The following USP34 variants were observed in gnomAD, a reference collection of about 807,000 sequenced individuals.
USP34 encodes ubiquitin specific peptidase 34.
A neutral mutation model predicts 460.3 loss-of-function variants in USP34; 70 were observed. That is an observed-to-expected ratio of 0.15 (90% CI 0.13 to 0.19). The LOEUF (loss-of-function observed/expected upper bound fraction) is 0.19. USP34 is among the 10% of genes least tolerant of loss of function. The pLI is 1.00. For synonymous variants in USP34, 1,647 were observed against 1,405.3 expected (o/e 1.17, Z -3.85); for missense variants, 3,985 against 4,236.2 (o/e 0.94, Z 1.65).
At chr2:61,191,753 G>C (rs1645199136) in intron 76 of USP34, among the ~76,000 whole-genome samples, 1 of 152,142 alleles carries the variant, frequency 6.6e-6, no homozygotes, top group Admixed American at 6.5e-5. Flanking sequence ...TAGTGGGAGA[G>C]TACAGAAACC....
chr2:61,244,628 A>G (rs1343114436), intron 51 of USP34, among the ~76,000 whole-genome samples: 1 of 152,060 alleles, frequency 6.6e-6, no homozygotes, highest in Non-Finnish European at 1.5e-5. Flanking sequence ...GCAAAAAAAA[A>G]AAAAAAAAGT....
chr2:61,417,196 C>G lies in USP34; in HGVS notation c.131+3550G>C. On this transcript the variant is annotated intron_variant, in intron 2 of 79. Transcript: ENST00000398571. Reference sequence around the variant, plus strand: ...GGCACCTCACATGCCTGTTTGGACCCTACACTGGGGTAGTGCAAGGTCAGA... The same window carrying G: ...GGCACCTCACATGCCTGTTTGGACCGTACACTGGGGTAGTGCAAGGTCAGA... The G allele has an allele frequency of 2.6e-6, 4 of 1,562,376 alleles. No individual in the cohort carries two copies. In the South Asian group the frequency reaches 3.3e-5, roughly 13 times the overall value.
At position 61,314,892 on chromosome 2, in the gene USP34, T is replaced by C; in HGVS notation, c.3365A>G (p.Asn1122Ser). 6.2e-7 allele frequency: 1 copy of C among 1,612,798 alleles called. No individual in the cohort carries two copies. The highest frequency in any genetic ancestry group is 8.5e-7 in the Non-Finnish European group (1 of 1,179,622). The change falls in exon 24 of 80, where the codon AAC becomes AGC. Residue 1122 changes from asparagine to serine, a missense_variant. This residue lies in a region of USP34 where 1,114 missense variants were observed against 1,122.5 expected (regional missense o/e 0.99). Transcript: ENST00000398571. ...DVSRAAIQYI[N>S]SYYINGKTGL... Reference sequence around the variant, plus strand: ...TCACTTACCATTAATATAATAGGAGTTAATATACTGGATAGCTGCTCGACT... The same window carrying C: ...TCACTTACCATTAATATAATAGGAGCTAATATACTGGATAGCTGCTCGACT...
At chr2:61,454,652 T>G (rs1280688966) in intron 1 of USP34, among the ~76,000 whole-genome samples, 1 of 151,260 alleles carries the variant, frequency 6.6e-6, no homozygotes. Context: ...CAAGTTCAAG[T>G]GATTCTCCTG....
At position 61,295,157 on chromosome 2, in the gene USP34, A is replaced by G; in HGVS notation, c.4377+11T>C. 2 of 1,602,368 alleles carry G rather than the reference A, an allele frequency of 1.2e-6. No individual in the cohort carries two copies. The highest frequency in any genetic ancestry group is 8.5e-7 in the Non-Finnish European group (1 of 1,176,882). ...ACAAACATTTAATGATAATAATGGA[A>G]ATGCAATTACCGTAGACTCCCTCCT... is the stretch of plus-strand genomic sequence containing the variant. On this transcript the variant is annotated intron_variant, in intron 31 of 79. Coordinates refer to ENST00000398571, the MANE Select transcript of USP34 (RefSeq NM_014709.4).
chr2:61,401,804 T>C (rs1363529144), intron 3 of USP34, among the ~76,000 whole-genome samples: 2 of 150,536 alleles, frequency 1.3e-5, no homozygotes, highest in African/African-American at 2.4e-5. Flanking sequence ...GTGATCCACC[T>C]GCCTCAGCCT....
At chr2:61,350,432 A>C in intron 11 of USP34, 43 bp from the exon 12 acceptor site, 1 of 1,584,438 alleles carries the variant, frequency 6.3e-7, no homozygotes. Flanking sequence ...AATTCCAGGC[A>C]ACACTAACAA....
At chr2:61,341,538 A>G (rs1043758231) in intron 16 of USP34, among the ~76,000 whole-genome samples, 4 of 151,956 alleles carry the variant, frequency 2.6e-5, no homozygotes, top group Admixed American at 6.6e-5. Context: ...GAGTTCAGAT[A>G]AGATCTGGTT....
At chr2:61,374,146 A>G (rs1411028144) in intron 8 of USP34, among the ~76,000 whole-genome samples, 3 of 142,804 alleles carry the variant, frequency 2.1e-5, no homozygotes, top group Non-Finnish European at 3.0e-5. Flanking sequence ...ATAGAGCGAG[A>G]CTCCATCTCA....
chr2:61,400,149 G>C lies in USP34; in HGVS notation c.553-4916C>G, dbSNP rs1238671861. Among the ~76,000 whole-genome samples, 3 of 146,264 alleles carry C rather than the reference G, an allele frequency of 2.1e-5. No homozygotes were observed. In the Admixed American group the frequency reaches 2.1e-4, roughly 10 times the overall value. Reference sequence around the variant, plus strand: ...TTTGGAGATGGAGTCGCATTCTGTTGCCCAGGCTGGAGTGCAGCGGCACCA... The same window carrying C: ...TTTGGAGATGGAGTCGCATTCTGTTCCCCAGGCTGGAGTGCAGCGGCACCA... On this transcript the variant is annotated intron_variant, in intron 3 of 79. Coordinates refer to ENST00000398571, the MANE Select transcript of USP34 (RefSeq NM_014709.4).
intron 7 of USP34, among the ~76,000 whole-genome samples, chr2:61,378,656 A>G (rs1692868714): frequency 6.6e-6 from 1 of 152,186 alleles, no homozygotes. Flanking sequence ...CTGTAATCCC[A>G]GCACTTTAGG....
chr2:61,401,516 G>T (rs1343174586), intron 3 of USP34, among the ~76,000 whole-genome samples: 3 of 149,638 alleles, frequency 2.0e-5, no homozygotes, highest in Non-Finnish European at 4.4e-5. Context: ...GGGATTACAG[G>T]TGTGAGCCAC....
At chr2:61,458,530 C>T (rs1695502979) in intron 1 of USP34, among the ~76,000 whole-genome samples, 1 of 133,268 alleles carries the variant, frequency 7.5e-6, no homozygotes, top group Non-Finnish European at 1.5e-5. Context: ...CATTGCACTC[C>T]AGCCTGGGCA....
At position 61,333,821 on chromosome 2, in the gene USP34, T is replaced by C. The variant is rs1691341000; in HGVS notation, c.2834+61A>G. 5.1e-6 allele frequency: 6 copies of C among 1,167,376 alleles called. No individual in the cohort carries two copies. The African/African-American group carries it at 8.0e-5, about 16-fold the overall frequency. 72.3% of individuals were successfully genotyped at this position (1,167,376 alleles called of 1,614,324 possible). On this transcript the variant is annotated intron_variant, in intron 19 of 79. Coordinates refer to ENST00000398571, the MANE Select transcript of USP34 (RefSeq NM_014709.4). ...AAGCTTGTAGGTTAGTCAAAACCTT[T>C]AGATAACTATAATTAGAAAAAAATC...
At chr2:61,441,850 G>T (rs1573045607) in intron 1 of USP34, among the ~76,000 whole-genome samples, 2 of 143,190 alleles carry the variant, frequency 1.4e-5, no homozygotes, top group Non-Finnish European at 1.5e-5. Flanking sequence ...AAAAAAGGAA[G>T]AAAAAAGAAA....
chr2:61,425,781 T>C (rs956336499), intron 1 of USP34, among the ~76,000 whole-genome samples: 1 of 151,994 alleles, frequency 6.6e-6, no homozygotes, highest in African/African-American at 2.4e-5. Context: ...GAATGAGACA[T>C]ACTGAGACAC....
chr2:61,275,925 A>T (rs772719668), intron 41 of USP34, among the ~76,000 whole-genome samples: 2 of 152,226 alleles, frequency 1.3e-5, no homozygotes, highest in African/African-American at 4.8e-5. Flanking sequence ...GTAAAAAAAT[A>T]GTAATAATAA....
In USP34 at chr2:61,229,532, A is replaced by C; in HGVS notation, c.7199+16T>G. 6.3e-7 allele frequency: 1 copy of C among 1,592,652 alleles called. No homozygotes were observed. Reference sequence around the variant, plus strand: ...ACAACACAGACACACAAACTTATTCAAAAAGTACTTCTTACCCATCTTCCA... The same window carrying C: ...ACAACACAGACACACAAACTTATTCCAAAAGTACTTCTTACCCATCTTCCA... On this transcript the variant is annotated intron_variant, in intron 59 of 79. Coordinates refer to ENST00000398571, the MANE Select transcript of USP34 (RefSeq NM_014709.4).
intron 27 of USP34, among the ~76,000 whole-genome samples, chr2:61,303,135 C>T (rs1407046443): frequency 6.6e-6 from 1 of 152,076 alleles, no homozygotes; most frequent in East Asian, 1.9e-4. Flanking sequence ...GGCTCAATCT[C>T]AGCTCACTGC....
Sources: gnomAD v4.1 joint callset for allele counts (sites outside exome capture counted in the v4.1 genomes callset) on GRCh38, gnomAD v4.1.1 for gene constraint, gnomAD v4.1.1 regional missense constraint, MANE v1.5 for transcripts, NCBI Gene and HGNC (gene_info 2026-07-23, HGNC 2026-07-21) for gene names.